Variants in LCA5 observed in about 807,000 individuals in gnomAD.
The protein encoded by LCA5 is lebercilin LCA5.
In LCA5, 37 loss-of-function variants were observed where a neutral mutation model predicts 53.0. The ratio of observed to expected loss-of-function variants is 0.70; its 90% CI spans 0.54 to 0.92. The LOEUF (loss-of-function observed/expected upper bound fraction) is 0.92, where lower values mean the gene tolerates loss of function less well. Ranked by LOEUF, LCA5 falls within the 40% of genes least tolerant of loss-of-function variation. The probability of loss-of-function intolerance (pLI) is 0.00; values close to 1 mark genes in which losing one functional copy is unlikely to be tolerated. For synonymous variants in LCA5, 303 were observed against 282.9 expected (o/e 1.07, Z -0.71); for missense variants, 806 against 790.5 (o/e 1.02, Z -0.23).
chr6:79,523,912 T>A (rs1419320489), intron 1 of LCA5, among the ~76,000 whole-genome samples: 1 of 152,230 alleles, frequency 6.6e-6, no homozygotes, highest in Admixed American at 6.5e-5. Flanking sequence ...TACCTTTATA[T>A]GTACGCTATA....
intron 1 of LCA5, among the ~76,000 whole-genome samples, chr6:79,527,342 G>A (rs1030516360): frequency 2.7e-4 from 41 of 152,078 alleles, no homozygotes; most frequent in African/African-American, 8.0e-4. Flanking sequence ...TGGCTAAAAT[G>A]GGCTACTATA....
intron 3 of LCA5, among the ~76,000 whole-genome samples, chr6:79,495,039 G>A (rs189736344): frequency 2.0e-5 from 3 of 152,320 alleles, no homozygotes; most frequent in East Asian, 3.9e-4. Flanking sequence ...GGTAGGAACC[G>A]GGCTTGCACA....
At chr6:79,493,426 GT>G (rs1197557902) in intron 4 of LCA5, among the ~76,000 whole-genome samples, 186 bp downstream of exon 4, 1 of 151,734 alleles carries the variant, frequency 6.6e-6, no homozygotes, top group African/African-American at 2.4e-5. Flanking sequence ...TTTTGTTTTT[GT>G]TTTTAATTTC....
chr6:79,521,557 T>C (rs983998009), intron 1 of LCA5, among the ~76,000 whole-genome samples: 2 of 152,190 alleles, frequency 1.3e-5, no homozygotes, highest in African/African-American at 4.8e-5. Context: ...ATTTTCAACA[T>C]GGAAGAAGTA....
At chr6:79,538,193 G>A (rs1189350474), upstream of LCA5, among the ~76,000 whole-genome samples, 2 of 151,746 alleles carry the variant, frequency 1.3e-5, no homozygotes, top group Non-Finnish European at 2.9e-5. Flanking sequence ...ACTGCTCCGA[G>A]CCATCTGATT....
chr6:79,524,802 G>A (rs763841859), intron 1 of LCA5, among the ~76,000 whole-genome samples: 1 of 151,748 alleles, frequency 6.6e-6, no homozygotes, highest in African/African-American at 2.4e-5. Flanking sequence ...AGCCTTTTTT[G>A]TTGTGTTGGG....
chr6:79,519,486 C>T (rs1470979783), intron 1 of LCA5, among the ~76,000 whole-genome samples: 1 of 151,862 alleles, frequency 6.6e-6, no homozygotes, highest in Non-Finnish European at 1.5e-5. Context: ...AGAATAAATA[C>T]ACTTTGGGAG....
intron 6 of LCA5, among the ~76,000 whole-genome samples, chr6:79,490,375 T>A (rs1162288881): frequency 3.9e-5 from 6 of 152,052 alleles, no homozygotes; most frequent in African/African-American, 1.4e-4. Context: ...ATTTTATACA[T>A]GAGAAAGCTG....
intron 2 of LCA5, among the ~76,000 whole-genome samples, chr6:79,514,032 A>G (rs1766348121): frequency 6.6e-6 from 1 of 152,146 alleles, no homozygotes; most frequent in African/African-American, 2.4e-5. Context: ...AACTTTTTAG[A>G]TAAGATGGCA....
chr6:79,514,681 A>G (rs1270154602), intron 2 of LCA5, among the ~76,000 whole-genome samples: 1 of 152,232 alleles, frequency 6.6e-6, no homozygotes, highest in Admixed American at 6.5e-5. Context: ...CTATACAGCC[A>G]TAAGAAAGAA....
chr6:79,508,917 T>G (rs1770337945), intron 3 of LCA5, among the ~76,000 whole-genome samples: 1 of 152,190 alleles, frequency 6.6e-6, no homozygotes, highest in Non-Finnish European at 1.5e-5. Context: ...ATGCTAAATT[T>G]TGCAGTAAAG....
At chr6:79,506,129 C>G (rs75639492) in intron 3 of LCA5, among the ~76,000 whole-genome samples, 2,712 of 152,174 alleles carry the variant, frequency 0.018, 78 homozygotes, top group African/African-American at 0.062. Flanking sequence ...TTTAATAGCT[C>G]CATTGATACT....
At position 79,487,589 on chromosome 6, in the gene LCA5, C is replaced by G. The variant is rs776693525; in HGVS notation, c.1509G>C (p.Glu503Asp). ...AGAACCTGTATGTTTTGGGGCTTCTCTCTGGGGAGTGTAGTTTTGATTCAA... is the reference window on the plus strand; with the variant it reads ...AGAACCTGTATGTTTTGGGGCTTCTGTCTGGGGAGTGTAGTTTTGATTCAA... ...PDFESKLHSP[E>D]RSPKTYRFSE... Residue 503 changes from glutamate to aspartate, a missense_variant, in exon 8 of 8, where the codon GAG (glutamate) becomes GAC (aspartate). Transcript: ENST00000369846. 2 of 1,613,912 alleles carry G rather than the reference C, an allele frequency of 1.2e-6. No homozygotes were observed. The highest frequency in any genetic ancestry group is 2.7e-5 in the African/African-American group (2 of 74,912).
chr6:79,538,027 T>TTTTTTG (rs1562118426), upstream of LCA5, among the ~76,000 whole-genome samples: 1 of 86,964 alleles, frequency 1.1e-5, no homozygotes, highest in Non-Finnish European at 2.4e-5. Flanking sequence ...AGTTTTTTTT[T>TTTTTTG]TTTTTTTTTT....
Position 79,507,793 on chromosome 6 carries a change from G to C in LCA5, c.720+5419C>G, listed in dbSNP as rs984959429. Reference sequence around the variant, plus strand: ...AGAAGTTGCCAGGTGGAGGTTGTTAGGGGGTGGAGGTTAAGTGAAAATGCT... The same window carrying C: ...AGAAGTTGCCAGGTGGAGGTTGTTACGGGGTGGAGGTTAAGTGAAAATGCT... On this transcript the variant is annotated intron_variant, in intron 3 of 7. Coordinates refer to ENST00000369846, the MANE Select transcript of LCA5 (RefSeq NM_001122769.3). Among the ~76,000 whole-genome samples, 4 of 152,118 alleles carry C rather than the reference G, an allele frequency of 2.6e-5. No individual in the cohort carries two copies. The East Asian group carries it at 5.8e-4, about 22-fold the overall frequency.
intron 1 of LCA5, among the ~76,000 whole-genome samples, chr6:79,520,193 C>G (rs547397344): frequency 2.0e-5 from 3 of 151,258 alleles, no homozygotes; most frequent in Non-Finnish European, 4.4e-5. Flanking sequence ...AAATTAAATG[C>G]CTAATCATTG....
At chr6:79,536,466 G>A (rs1767124586) in intron 1 of LCA5, among the ~76,000 whole-genome samples, 1 of 152,192 alleles carries the variant, frequency 6.6e-6, no homozygotes, top group Non-Finnish European at 1.5e-5. Context: ...CAGATGAACT[G>A]GACCAGGGCT....
intron 1 of LCA5, among the ~76,000 whole-genome samples, chr6:79,525,808 A>C (rs748371316): frequency 1.3e-4 from 20 of 152,316 alleles, no homozygotes; most frequent in East Asian, 1.9e-4. Context: ...GTGCAGCTGC[A>C]GGTGTGGGGG....
chr6:79,486,523 C>T lies in LCA5; in HGVS notation c.*481G>A, dbSNP rs191824744. 1 of 157,274 alleles carries T rather than the reference C, an allele frequency of 6.4e-6. No individual in the cohort carries two copies. The highest frequency in any genetic ancestry group is 6.3e-5 in the Admixed American group (1 of 15,794). 9.7% of individuals were successfully genotyped at this position (157,274 alleles called of 1,614,324 possible). ...GGACTGCCACGTAAGATAGGGACCC[C>T]TGGCCCTATCCATAAAGGGAAGGGC... is the stretch of plus-strand genomic sequence containing the variant. On this transcript the variant is annotated 3_prime_UTR_variant, in exon 8 of 8. Transcript: ENST00000369846.
Sources: allele counts gnomAD v4.1 joint callset (sites outside exome capture counted in the v4.1 genomes callset), GRCh38; gene constraint gnomAD v4.1.1; transcripts MANE v1.5; gene names NCBI Gene and HGNC (gene_info 2026-07-23, HGNC 2026-07-21).